SHF: variants seen among roughly 807,000 people sequenced by gnomAD.
The protein encoded by SHF is SH2 domain-containing adapter protein F.
A neutral mutation model predicts 42.4 loss-of-function variants in SHF; 30 were observed. That is an observed-to-expected ratio of 0.71 (90% CI 0.53 to 0.96). The LOEUF (loss-of-function observed/expected upper bound fraction) is 0.96, where lower values mean the gene tolerates loss of function less well. Ranked by LOEUF, SHF falls within the 40% of genes least tolerant of loss-of-function variation. SHF has a pLI of 0.00. For missense variants in SHF, 598 were observed against 634.0 expected (o/e 0.94, Z 0.61); for synonymous variants, 264 against 269.9 (o/e 0.98, Z 0.21).
Position 45,175,283 on chromosome 15 carries a change from C to T in SHF, c.783G>A (p.Arg261=), listed in dbSNP as rs754156270. The change falls in exon 3 of 7, where the codon AGG becomes AGA. Residue 261 remains arginine, a synonymous_variant. Coordinates refer to ENST00000690270, the MANE Select transcript of SHF (RefSeq NM_001394037.1). The part of the protein sequence containing the change: ...RESRLPEDDE[R]PPEEYDQPWE... ...AGGGCTGGTCATACTCCTCAGGGGG[C>T]CTCTCATCATCCTCTGGCAGGCGGG... 12 of 1,611,784 alleles carry T rather than the reference C, an allele frequency of 7.4e-6. No homozygotes were observed. The Admixed American group carries it at 1.0e-4, about 13-fold the overall frequency.
chr15:45,168,529 C>A (rs1395139865), intron 6 of SHF, among the ~76,000 whole-genome samples: 1 of 152,164 alleles, frequency 6.6e-6, no homozygotes, highest in Non-Finnish European at 1.5e-5. Flanking sequence ...GTAGGACACC[C>A]GTGAGGGGCT....
intron 1 of SHF, among the ~76,000 whole-genome samples, chr15:45,187,083 G>A (rs1405177411): frequency 6.6e-6 from 1 of 152,256 alleles, no homozygotes; most frequent in African/African-American, 2.4e-5. Context: ...GCTGCTTCCA[G>A]AGGGGCAGAA....
intron 2 of SHF, among the ~76,000 whole-genome samples, chr15:45,195,992 C>G (rs1188608109): frequency 6.6e-6 from 1 of 151,972 alleles, no homozygotes; most frequent in Non-Finnish European, 1.5e-5. Flanking sequence ...TTTGTTTTGC[C>G]TATATAGTTT....
At chr15:45,196,816 G>A (rs555139271) in intron 2 of SHF, among the ~76,000 whole-genome samples, 5 of 151,418 alleles carry the variant, frequency 3.3e-5, no homozygotes, top group South Asian at 2.1e-4. Context: ...GGAGAATGGC[G>A]TGAACCTGGG....
intron 6 of SHF, chr15:45,170,858 G>T: frequency 6.0e-6 from 1 of 167,932 alleles, no homozygotes; most frequent in Admixed American, 6.0e-5. Context: ...CACCATGTTG[G>T]TCAGGTTGGT....
At chr15:45,191,928 TAAA>T (rs61199234), upstream of SHF, among the ~76,000 whole-genome samples, 6 of 135,488 alleles carry the variant, frequency 4.4e-5, no homozygotes, top group African/African-American at 1.1e-4. Flanking sequence ...TGTCTCTATT[TAAA>T]AAAAAAAAAA....
intron 2 of SHF, chr15:45,198,678 G>C: frequency 1.4e-6 from 2 of 1,477,570 alleles, no homozygotes; most frequent in Non-Finnish European, 1.8e-6. Flanking sequence ...CGATCACGGC[G>C]AGCTACCGGG....
At chr15:45,186,157 C>T (rs775783442) in intron 1 of SHF, among the ~76,000 whole-genome samples, 11 of 152,230 alleles carry the variant, frequency 7.2e-5, no homozygotes, top group Admixed American at 2.0e-4. Context: ...AAGAAGCAGA[C>T]GAGCACAGCC....
intron 2 of SHF, among the ~76,000 whole-genome samples, chr15:45,195,913 G>C (rs996695001): frequency 1.3e-5 from 2 of 152,256 alleles, no homozygotes; most frequent in East Asian, 3.9e-4. Flanking sequence ...GCACATCCTA[G>C]TGTTCTCACA....
At chr15:45,185,024 C>T (rs912237488) in intron 1 of SHF, among the ~76,000 whole-genome samples, 1 of 152,232 alleles carries the variant, frequency 6.6e-6, no homozygotes, top group Non-Finnish European at 1.5e-5. Flanking sequence ...CTGGTTCTCT[C>T]CTGCCCCCAT....
At chr15:45,169,628 C>G (rs960097116) in intron 6 of SHF, among the ~76,000 whole-genome samples, 9 of 152,230 alleles carry the variant, frequency 5.9e-5, no homozygotes, top group Admixed American at 3.9e-4. Context: ...GGGGCTGACC[C>G]CTTCTCCCTT....
At chr15:45,200,829 T>C (rs779122267) in exon 1 of SHF, 6 of 456,214 alleles carry the variant, frequency 1.3e-5, no homozygotes, top group Non-Finnish European at 2.2e-5. Flanking sequence ...GATAGCATGA[T>C]AGTCAGGGCA....
At chr15:45,175,182 A>G (rs1403333844) in intron 3 of SHF, 37 bp downstream of exon 3, 1 of 1,567,898 alleles carries the variant, frequency 6.4e-7, no homozygotes, top group South Asian at 1.2e-5. Context: ...AGCTGCTCAG[A>G]GGCCCCAGCT....
Position 45,178,152 on chromosome 15 carries a change from C to T in SHF, c.640+13G>A, listed in dbSNP as rs199616306. On this transcript the variant is annotated intron_variant, in intron 2 of 6. Transcript: ENST00000690270. The stretch of plus-strand genomic sequence containing the variant: ...AGGCCTCAGGGAGCACCTCCCCTGC[C>T]CCTGTCACTCACCGGCCATCATCTT... 4 of 1,610,884 alleles carry T rather than the reference C, an allele frequency of 2.5e-6. No individual in the cohort carries two copies. In the Admixed American group the frequency reaches 5.0e-5, roughly 20 times the overall value.
At position 45,175,432 on chromosome 15, in the gene SHF, G is replaced by C. The variant is rs1410458735; in HGVS notation, c.641-7C>G. On this transcript the variant is annotated splice_polypyrimidine_tract_variant and splice_region_variant and intron_variant, in intron 2 of 6. Coordinates refer to ENST00000690270, the MANE Select transcript of SHF (RefSeq NM_001394037.1). ...TCCTTGGAGCCCCGGATCTCTGCCG[G>C]AGCAGGGCAGGAAGGGAAAGGTGAG... The C allele has an allele frequency of 6.4e-7, 1 of 1,569,526 alleles. No individual in the cohort carries two copies. Among genetic ancestry groups the C allele is most frequent in the Non-Finnish European group, 8.6e-7 (1 of 1,156,960 alleles).
intron 1 of SHF, among the ~76,000 whole-genome samples, chr15:45,178,544 T>TC (rs1897954033): frequency 6.7e-6 from 1 of 148,960 alleles, no homozygotes; most frequent in Admixed American, 6.7e-5. Flanking sequence ...CTTTTTTTTT[T>TC]TTTTTTTTGA....
chr15:45,200,993 G>C (rs1040933856), exon 1 of SHF: 1 of 376,478 alleles, frequency 2.7e-6, no homozygotes, highest in Non-Finnish European at 5.3e-6. Flanking sequence ...GAGACTTCGG[G>C]CTAGGGAGTC....
At chr15:45,178,406 C>T in intron 1 of SHF, 100 bp from the exon 2 acceptor site, 1 of 1,393,740 alleles carries the variant, frequency 7.2e-7, no homozygotes, top group Non-Finnish European at 9.6e-7. Context: ...CCCAAGTAGG[C>T]TGCCTTCGAC....
At chr15:45,194,101 C>CA (rs56176160) in intron 2 of SHF, among the ~76,000 whole-genome samples, 3,851 of 75,380 alleles carry the variant, frequency 0.051, 291 homozygotes, top group African/African-American at 0.18. Flanking sequence ...GAGTTTGTCT[C>CA]AAAAAAAAAA....
Sources: allele counts gnomAD v4.1 joint callset (sites outside exome capture counted in the v4.1 genomes callset), GRCh38; gene constraint gnomAD v4.1.1; transcripts MANE v1.5; gene names NCBI Gene and HGNC (gene_info 2026-07-23, HGNC 2026-07-21).